The following PRMT8 variants were observed in gnomAD, a reference collection of about 807,000 sequenced individuals.
PRMT8 encodes protein arginine methyltransferase 8.
In PRMT8, 7 loss-of-function variants were observed where a neutral mutation model predicts 47.1. That is an observed-to-expected ratio of 0.15 (90% CI 0.08 to 0.28). PRMT8 has a LOEUF of 0.28. PRMT8 is among the 10% of genes least tolerant of loss of function. The pLI is 1.00. For missense variants in PRMT8, 237 were observed against 505.4 expected (o/e 0.47, Z 5.09); for synonymous variants, 188 against 186.5 (o/e 1.01, Z -0.07).
intron 1 of PRMT8, among the ~76,000 whole-genome samples, chr12:3,496,067 C>G (rs1865499526): frequency 6.6e-6 from 1 of 151,626 alleles, no homozygotes; most frequent in African/African-American, 2.4e-5. Context: ...GCTTGCTTTA[C>G]TGATACTTGG....
chr12:3,395,517 T>C (rs1864240283), intron 1 of PRMT8, among the ~76,000 whole-genome samples: 1 of 152,010 alleles, frequency 6.6e-6, no homozygotes, highest in African/African-American at 2.4e-5. Context: ...TGTAGTTGAG[T>C]GGTTTTGAGC....
At chr12:3,496,214 A>ATATATATATATATATTTTTTT in intron 1 of PRMT8, among the ~76,000 whole-genome samples, 1 of 27,770 alleles carries the variant, frequency 3.6e-5, no homozygotes, top group Non-Finnish European at 7.9e-5. Flanking sequence ...ATATATATAT[A>ATATATATATATATATTTTTTT]TTTTTTTTTT....
intron 8 of PRMT8, among the ~76,000 whole-genome samples, chr12:3,589,186 A>G (rs570471768): frequency 2.6e-5 from 4 of 152,328 alleles, no homozygotes; most frequent in Admixed American, 2.6e-4. Context: ...CATTAAGGAC[A>G]CGTATGCAGG....
At chr12:3,560,329 C>A (rs1361731629) in intron 4 of PRMT8, among the ~76,000 whole-genome samples, 1 of 152,208 alleles carries the variant, frequency 6.6e-6, no homozygotes, top group Non-Finnish European at 1.5e-5. Flanking sequence ...AGCAATCAGC[C>A]TCTCTCCCTC....
intron 1 of PRMT8, among the ~76,000 whole-genome samples, chr12:3,449,497 GC>G: frequency 6.6e-6 from 1 of 152,098 alleles, no homozygotes; most frequent in Non-Finnish European, 1.5e-5. Flanking sequence ...GTGATGTTGA[GC>G]TTTTTTTCAT....
chr12:3,527,406 G>A (rs1865964178), intron 1 of PRMT8, among the ~76,000 whole-genome samples: 1 of 152,108 alleles, frequency 6.6e-6, no homozygotes, highest in African/African-American at 2.4e-5. Flanking sequence ...TGGAAAGTGA[G>A]ATGATGCAAG....
intron 1 of PRMT8, among the ~76,000 whole-genome samples, chr12:3,434,343 A>G (rs747822897): frequency 3.3e-5 from 5 of 152,296 alleles, no homozygotes; most frequent in Non-Finnish European, 4.4e-5. Flanking sequence ...GATTTTGTCA[A>G]TTCCCATTCA....
Position 3,580,322 on chromosome 12 carries a change from TGGG to T in PRMT8, c.829-2732_829-2730del, listed in dbSNP as rs1198494642. Among the ~76,000 whole-genome samples the T allele has an allele frequency of 2.1e-5, 3 of 142,660 alleles. No homozygotes were observed. The East Asian group carries it at 6.2e-4, about 29-fold the overall frequency. The allele number at this position is 142,660 out of a possible 152,430, so 93.6% of individuals were successfully genotyped here. On this transcript the variant is annotated intron_variant, in intron 7 of 9. Transcript: ENST00000382622. The surrounding 1 kb of genome is among the most constrained non-coding windows in gnomAD (Gnocchi z 4.6). Reference sequence around the variant, plus strand: ...CTTTAGAGGTGGAATTCCTGCCAGATGGGGGGTGCGTGTGCGTGTGTGTGTGTG... The same window carrying T: ...CTTTAGAGGTGGAATTCCTGCCAGATGGGTGCGTGTGCGTGTGTGTGTGTG...
chr12:3,496,214 A>ATATATATTTTT, intron 1 of PRMT8, among the ~76,000 whole-genome samples: 9 of 27,776 alleles, frequency 3.2e-4, no homozygotes, highest in Non-Finnish European at 4.7e-4. Context: ...ATATATATAT[A>ATATATATTTTT]TTTTTTTTTT....
intron 1 of PRMT8, among the ~76,000 whole-genome samples, chr12:3,442,627 C>T (rs372334351): frequency 2.5e-4 from 38 of 152,298 alleles, no homozygotes; most frequent in African/African-American, 6.7e-4. Flanking sequence ...CCAGGGCCAC[C>T]GCTTGGATGC....
At position 3,580,718 on chromosome 12, in the gene PRMT8, C is replaced by T. The variant is rs2137225235; in HGVS notation, c.829-2340C>T. ...AGTGAGATTGGAAGGCCATGCTACACTGGTGACGGAGGGAACCAAGAAAGA... is the reference window on the plus strand; with the variant it reads ...AGTGAGATTGGAAGGCCATGCTACATTGGTGACGGAGGGAACCAAGAAAGA... On this transcript the variant is annotated intron_variant, in intron 7 of 9. Coordinates refer to ENST00000382622, the MANE Select transcript of PRMT8 (RefSeq NM_019854.5). The surrounding 1 kb of genome is among the most constrained non-coding windows in gnomAD (Gnocchi z 4.6). Among the ~76,000 whole-genome samples the T allele has an allele frequency of 6.6e-6, 1 of 152,268 alleles. No individual in the cohort carries two copies. The highest frequency in any genetic ancestry group is 3.4e-3 in the Middle Eastern group (1 of 294).
intron 1 of PRMT8, among the ~76,000 whole-genome samples, chr12:3,515,332 G>A (rs1865774126): frequency 6.6e-6 from 1 of 152,092 alleles, no homozygotes; most frequent in African/African-American, 2.4e-5. Context: ...GTGGTCCCTG[G>A]GCCAGTAGCA....
At chr12:3,498,501 A>T (rs965227160) in intron 1 of PRMT8, among the ~76,000 whole-genome samples, 5 of 152,162 alleles carry the variant, frequency 3.3e-5, no homozygotes, top group African/African-American at 1.2e-4. Context: ...CACAGTCTCC[A>T]GTACTGTGCC....
chr12:3,489,823 ACACACACACACGCGCG>A (rs1865358019), upstream of PRMT8, among the ~76,000 whole-genome samples: 1 of 142,654 alleles, frequency 7.0e-6, no homozygotes, highest in African/African-American at 2.8e-5. Flanking sequence ...ACACACACAC[ACACACACACACGCGCG>A]CACACACACA....
rs1272766273 is a variant in PRMT8 at position 3,570,099 on chromosome 12, C to T, written c.712+535C>T. Reference sequence around the variant, plus strand: ...GAAAGAGTGGAGATTTTGCTTTGAACAATCAAACGAAAGGCGAGTGTGCAT... The same window carrying T: ...GAAAGAGTGGAGATTTTGCTTTGAATAATCAAACGAAAGGCGAGTGTGCAT... On this transcript the variant is annotated intron_variant, in intron 6 of 9. Transcript: ENST00000382622. This position sits in a 1 kb window ranked among gnomAD's most constrained non-coding sequence, Gnocchi z 5.5. 6.6e-6 allele frequency among the ~76,000 whole-genome samples: 1 copy of T among 151,220 alleles called. No individual in the cohort carries two copies. The highest frequency in any genetic ancestry group is 1.5e-5 in the Non-Finnish European group (1 of 67,726).
At position 3,397,650 on chromosome 12, in the gene PRMT8, A is replaced by G. The variant is rs540299068; in HGVS notation, c.48+16208A>G. On this transcript the variant is annotated intron_variant, in intron 1 of 9. Coordinates refer to the PRMT8 transcript ENST00000452611. ...AGGGACATTTAAGTCTGCAGAGGTT[A>G]CTGCTGTCTTTTTGTTTGTCTGTGC... is the stretch of plus-strand genomic sequence containing the variant. Among the ~76,000 whole-genome samples the G allele has an allele frequency of 9.4e-3, 1,431 of 152,070 alleles. 9 individuals carry two copies. The highest frequency in any genetic ancestry group is 0.014 in the Middle Eastern group (4 of 294).
intron 8 of PRMT8, among the ~76,000 whole-genome samples, chr12:3,588,694 G>C (rs1055703552): frequency 6.6e-6 from 1 of 152,220 alleles, no homozygotes; most frequent in African/African-American, 2.4e-5. Context: ...AGGCAGTACT[G>C]GTCATGCTCA....
chr12:3,414,151 T>C (rs143352916), intron 1 of PRMT8, among the ~76,000 whole-genome samples: 12 of 152,330 alleles, frequency 7.9e-5, no homozygotes, highest in Admixed American at 5.2e-4. Context: ...ATTTTAAAAA[T>C]GCTAATTTTG....
Position 3,460,566 on chromosome 12 carries a change from C to T in PRMT8, c.48+79124C>T, listed in dbSNP as rs12308289. Among the ~76,000 whole-genome samples the T allele has an allele frequency of 8.4e-3, 1,284 of 152,236 alleles. 17 individuals are homozygous for T. The highest frequency in any genetic ancestry group is 0.029 in the African/African-American group (1,218 of 41,520). ...GGGAGGAAGAGAAAGAAGGGAATGG[C>T]AGAATGGGATGTGGGGGTAATAGAG... is the stretch of plus-strand genomic sequence containing the variant. On this transcript the variant is annotated intron_variant, in intron 1 of 9. Transcript: ENST00000452611.
Sources: allele counts gnomAD v4.1 joint callset (sites outside exome capture counted in the v4.1 genomes callset), GRCh38; gene constraint gnomAD v4.1.1; non-coding constraint Gnocchi (gnomAD v3.1); transcripts MANE v1.5; gene names NCBI Gene and HGNC (gene_info 2026-07-23, HGNC 2026-07-21).